Variants in EYS observed in about 807,000 individuals in gnomAD.
The protein encoded by EYS is protein eyes shut homolog.
Under a neutral mutation model 282.1 loss-of-function variants are expected in EYS, and 250 were observed. The ratio of observed to expected loss-of-function variants is 0.89; its 90% CI spans 0.80 to 0.98. EYS has a LOEUF of 0.98. Ranked by LOEUF, EYS falls within the 50% of genes least tolerant of loss-of-function variation. EYS has a pLI of 0.00. For missense variants in EYS, 4,016 were observed against 3,709.0 expected (o/e 1.08, Z -2.15); for synonymous variants, 1,355 against 1,282.9 (o/e 1.06, Z -1.20).
At chr6:65,287,644 G>C (rs903384799) in intron 12 of EYS, among the ~76,000 whole-genome samples, 7 of 151,100 alleles carry the variant, frequency 4.6e-5, no homozygotes, top group African/African-American at 1.7e-4. Context: ...GAAAAAAAAC[G>C]AAACAAAACG....
chr6:64,977,022 A>G (rs1487827977), intron 14 of EYS, among the ~76,000 whole-genome samples: 2 of 151,726 alleles, frequency 1.3e-5, no homozygotes, highest in African/African-American at 4.8e-5. Context: ...CCTCCCTAGT[A>G]GCTGGGATTA....
intron 5 of EYS, among the ~76,000 whole-genome samples, chr6:65,480,754 A>C (rs1323796536): frequency 6.6e-6 from 1 of 152,192 alleles, no homozygotes; most frequent in East Asian, 1.9e-4. Context: ...TGGTCTATAT[A>C]CACAATGGTA....
intron 5 of EYS, among the ~76,000 whole-genome samples, chr6:65,421,791 GAA>G (rs1359818166): frequency 4.0e-5 from 6 of 151,796 alleles, no homozygotes; most frequent in Admixed American, 6.6e-5. Context: ...GGAGACATGA[GAA>G]GAGGGGGAGA....
chr6:64,362,143 G>T (rs1772033114), intron 29 of EYS, among the ~76,000 whole-genome samples: 1 of 151,852 alleles, frequency 6.6e-6, no homozygotes, highest in African/African-American at 2.4e-5. Flanking sequence ...TTATAGAAAA[G>T]CTTCAGCTTC....
At chr6:63,816,061 G>C in intron 36 of EYS, among the ~76,000 whole-genome samples, 1 of 152,198 alleles carries the variant, frequency 6.6e-6, no homozygotes, top group East Asian at 1.9e-4. Context: ...ACTCATTTCT[G>C]GGGACCACAA....
At chr6:65,073,381 A>G (rs1000105773) in intron 12 of EYS, among the ~76,000 whole-genome samples, 1 of 151,864 alleles carries the variant, frequency 6.6e-6, no homozygotes, top group South Asian at 2.1e-4. Flanking sequence ...CAAGAATGCA[A>G]GAATTATTTC....
intron 19 of EYS, among the ~76,000 whole-genome samples, chr6:64,864,192 T>C (rs906930241): frequency 8.6e-5 from 13 of 152,020 alleles, no homozygotes; most frequent in Non-Finnish European, 1.8e-4. Flanking sequence ...TACATAGATC[T>C]ATTAAATGGG....
At chr6:65,649,703 T>A (rs915709646) in intron 1 of EYS, among the ~76,000 whole-genome samples, 2 of 152,144 alleles carry the variant, frequency 1.3e-5, no homozygotes, top group Non-Finnish European at 1.5e-5. Context: ...TTTAGATTGT[T>A]TTTTTACAAA....
chr6:63,922,468 C>A lies in EYS; in HGVS notation c.7056-58110G>T, dbSNP rs556653382. ...ATCCCAACTACTTGGGAGGCTGAGG[C>A]AGGAGAATCATGTGAACCTGGGAGG... On this transcript the variant is annotated intron_variant, in intron 35 of 42. Coordinates refer to ENST00000503581, the MANE Select transcript of EYS (RefSeq NM_001142800.2). Among the ~76,000 whole-genome samples the A allele has an allele frequency of 9.9e-5, 15 of 152,172 alleles. No individual in the cohort carries two copies. In the East Asian group the frequency reaches 2.9e-3, roughly 29 times the overall value.
chr6:64,707,230 G>A (rs1407316547), intron 22 of EYS, among the ~76,000 whole-genome samples: 3 of 152,072 alleles, frequency 2.0e-5, no homozygotes, highest in Non-Finnish European at 4.4e-5. Context: ...TATTTTAAGT[G>A]AAGTAACTCA....
At chr6:65,211,555 T>C (rs1293999829) in intron 12 of EYS, among the ~76,000 whole-genome samples, 2 of 152,082 alleles carry the variant, frequency 1.3e-5, no homozygotes, top group African/African-American at 2.4e-5. Context: ...GTATAAGATA[T>C]AGTCATCCAA....
chr6:64,568,645 C>G (rs1331384467), intron 26 of EYS, among the ~76,000 whole-genome samples: 1 of 152,116 alleles, frequency 6.6e-6, no homozygotes, highest in Non-Finnish European at 1.5e-5. Context: ...GGTCAGACTG[C>G]CTGCTCAAGT....
chr6:64,536,514 T>C (rs895985275), intron 26 of EYS, among the ~76,000 whole-genome samples: 5 of 152,162 alleles, frequency 3.3e-5, no homozygotes, highest in Non-Finnish European at 7.4e-5. Flanking sequence ...TAAATAACTG[T>C]GACATTTTGA....
At chr6:63,781,391 T>G (rs1188067535) in intron 39 of EYS, among the ~76,000 whole-genome samples, 4 of 152,210 alleles carry the variant, frequency 2.6e-5, no homozygotes, top group African/African-American at 9.7e-5. Context: ...GCATGGAATG[T>G]TCTTCCATTT....
chr6:64,636,776 A>G (rs968604142), intron 22 of EYS, among the ~76,000 whole-genome samples: 2 of 150,450 alleles, frequency 1.3e-5, no homozygotes, highest in Admixed American at 1.3e-4. Flanking sequence ...AAAAGTGGGC[A>G]AAGGATATGA....
chr6:65,306,613 C>G (rs1198322945), intron 11 of EYS, among the ~76,000 whole-genome samples: 1 of 150,380 alleles, frequency 6.6e-6, no homozygotes, highest in Non-Finnish European at 1.5e-5. Context: ...TTTGCCCTTA[C>G]AGAAAGAGAA....
At chr6:65,496,717 A>G (rs1766269904) in intron 2 of EYS, among the ~76,000 whole-genome samples, 1 of 152,058 alleles carries the variant, frequency 6.6e-6, no homozygotes, top group Admixed American at 6.6e-5. Context: ...TTATTGTACA[A>G]TTTCATCCAG....
intron 1 of EYS, among the ~76,000 whole-genome samples, chr6:65,702,300 C>CA (rs1331100574): frequency 6.6e-6 from 1 of 152,184 alleles, no homozygotes. Context: ...TTATGAACAA[C>CA]AAAAAAGCTC....
intron 5 of EYS, among the ~76,000 whole-genome samples, chr6:65,476,982 C>G (rs1264369976): frequency 6.6e-6 from 1 of 152,050 alleles, no homozygotes; most frequent in Admixed American, 6.5e-5. Flanking sequence ...TCATGCTAAT[C>G]AAATCAACAT....
Sources: allele counts gnomAD v4.1 joint callset (sites outside exome capture counted in the v4.1 genomes callset), GRCh38; gene constraint gnomAD v4.1.1; transcripts MANE v1.5; gene names NCBI Gene and HGNC (gene_info 2026-07-23, HGNC 2026-07-21).